Variants in CTNNA2 observed in about 807,000 individuals in gnomAD.
CTNNA2 encodes catenin alpha 2.
Under a neutral mutation model 101.0 loss-of-function variants are expected in CTNNA2, and 42 were observed. That is an observed-to-expected ratio of 0.42 (90% CI 0.32 to 0.54). The LOEUF is 0.54. Ranked by LOEUF, CTNNA2 falls within the 20% of genes least tolerant of loss-of-function variation. The probability of loss-of-function intolerance (pLI) is 0.14; values close to 1 mark genes in which losing one functional copy is unlikely to be tolerated. For synonymous variants in CTNNA2, 450 were observed against 456.4 expected (o/e 0.99, Z 0.18); for missense variants, 871 against 1,223.1 (o/e 0.71, Z 4.29).
intron 4 of CTNNA2, among the ~76,000 whole-genome samples, chr2:79,409,570 T>A (rs893020354): frequency 6.6e-6 from 1 of 150,986 alleles, no homozygotes; most frequent in Non-Finnish European, 1.5e-5. Flanking sequence ...CTTTCCCCAT[T>A]GCTTGTTTTT....
At chr2:80,246,764 G>A (rs1184244429) in intron 7 of CTNNA2, among the ~76,000 whole-genome samples, 1 of 152,130 alleles carries the variant, frequency 6.6e-6, no homozygotes, top group African/African-American at 2.4e-5. Context: ...ACTGTGCAAA[G>A]GAAAGGATTA....
chr2:80,339,505 C>A lies in CTNNA2; in HGVS notation c.1057-53706C>A, dbSNP rs146225650. Among the ~76,000 whole-genome samples the A allele has an allele frequency of 2.1e-3, 316 of 152,226 alleles. 6 individuals are homozygous for A. In the South Asian group the frequency reaches 0.024, roughly 11 times the overall value. On this transcript the variant is annotated intron_variant, in intron 7 of 18. Coordinates refer to ENST00000402739, the MANE Select transcript of CTNNA2 (RefSeq NM_001282597.3). Reference sequence around the variant, plus strand: ...AAATACTTTCTATATAAGGTGAATACCCTGACAAATCTTATCCCAGCTATG... The same window carrying A: ...AAATACTTTCTATATAAGGTGAATAACCTGACAAATCTTATCCCAGCTATG...
intron 4 of CTNNA2, among the ~76,000 whole-genome samples, chr2:79,496,667 T>A (rs1009459568): frequency 2.0e-5 from 3 of 151,968 alleles, no homozygotes; most frequent in Non-Finnish European, 2.9e-5. Flanking sequence ...TTTTTTATTT[T>A]CTCTCTTTTT....
chr2:80,168,815 C>T (rs915566849), intron 7 of CTNNA2, among the ~76,000 whole-genome samples: 5 of 151,244 alleles, frequency 3.3e-5, no homozygotes, highest in African/African-American at 4.9e-5. Context: ...TTAGGTGATT[C>T]GAATGTATAG....
At chr2:79,916,082 T>A (rs1006721271) in intron 7 of CTNNA2, among the ~76,000 whole-genome samples, 3 of 152,244 alleles carry the variant, frequency 2.0e-5, no homozygotes, top group African/African-American at 7.2e-5. Context: ...ATCTTCTCTT[T>A]TCTCTCCTTC....
chr2:79,922,053 G>A (rs573255018), intron 7 of CTNNA2, among the ~76,000 whole-genome samples: 3 of 152,324 alleles, frequency 2.0e-5, no homozygotes, highest in Admixed American at 2.0e-4. Context: ...GACTATGCCA[G>A]TATTGAGAAT....
chr2:79,853,532 G>T (rs570892555), intron 3 of CTNNA2, among the ~76,000 whole-genome samples: 1 of 152,000 alleles, frequency 6.6e-6, no homozygotes, highest in African/African-American at 2.4e-5. Context: ...GACCTTACAC[G>T]CAGGCCCCTC....
At chr2:80,368,706 A>C (rs903920717) in intron 7 of CTNNA2, among the ~76,000 whole-genome samples, 1 of 151,826 alleles carries the variant, frequency 6.6e-6, no homozygotes, top group African/African-American at 2.4e-5. Flanking sequence ...ATTTAGGGGC[A>C]TATTCTAAAT....
chr2:79,446,993 A>G (rs1678840573), intron 4 of CTNNA2, among the ~76,000 whole-genome samples: 1 of 152,038 alleles, frequency 6.6e-6, no homozygotes, highest in South Asian at 2.1e-4. Flanking sequence ...GCTTTGATAA[A>G]TAATGGCCTG....
At chr2:80,208,358 T>C (rs559097952) in intron 7 of CTNNA2, among the ~76,000 whole-genome samples, 3 of 152,338 alleles carry the variant, frequency 2.0e-5, no homozygotes, top group East Asian at 1.9e-4. Context: ...GATAGATAGA[T>C]AGATAAGACA....
intron 3 of CTNNA2, among the ~76,000 whole-genome samples, chr2:79,348,202 A>G: frequency 6.6e-6 from 1 of 152,306 alleles, no homozygotes; most frequent in South Asian, 2.1e-4. Flanking sequence ...TTTCATTTTT[A>G]AAAGGACTAT....
At chr2:80,432,560 G>T (rs1273442294) in intron 9 of CTNNA2, among the ~76,000 whole-genome samples, 3 of 152,134 alleles carry the variant, frequency 2.0e-5, no homozygotes, top group African/African-American at 4.8e-5. Context: ...AATACCGGTG[G>T]CCACCAAAAT....
In CTNNA2 at chr2:80,136,985, T is replaced by C. The variant is rs1014855245; in HGVS notation, c.1056+227188T>C. Among the ~76,000 whole-genome samples the C allele has an allele frequency of 5.3e-5, 8 of 152,322 alleles. No individual in the cohort carries two copies. In the South Asian group the frequency reaches 1.5e-3, roughly 28 times the overall value. On this transcript the variant is annotated intron_variant, in intron 7 of 18. Transcript: ENST00000402739. ...GTACAACATGTTTATGTTATCTTTA[T>C]GTGAAAAGATCTTCTTTCCTGATCA...
rs963691165 is a variant in CTNNA2, at chr2:79,187,274, T to C, written c.-524+1843T>C. 1.7e-3 allele frequency among the ~76,000 whole-genome samples: 222 copies of C among 134,500 alleles called. 4 individuals are homozygous for C. The highest frequency in any genetic ancestry group is 3.2e-3 in the Non-Finnish European group (198 of 62,554). 88.2% of individuals were successfully genotyped at this position (134,500 alleles called of 152,430 possible). On this transcript the variant is annotated intron_variant, in intron 1 of 21. Coordinates refer to the CTNNA2 transcript ENST00000466387. ...TCTTTTCTTTTCTTTTCTTTTCTTT[T>C]TTTTTTTTTTTTTGAGACAGAGTCT...
chr2:80,590,024 A>G (rs2287514), intron 15 of CTNNA2, among the ~76,000 whole-genome samples: 45,436 of 152,200 alleles, frequency 0.3, 7,810 homozygotes, highest in East Asian at 0.46. Context: ...CTAAGATTCC[A>G]TTGTTTTCAC....
chr2:80,247,944 T>A (rs1006773475), intron 7 of CTNNA2, among the ~76,000 whole-genome samples: 3 of 152,074 alleles, frequency 2.0e-5, no homozygotes, highest in Admixed American at 2.0e-4. Context: ...CTAGAATTTC[T>A]TACTGAAGCA....
At chr2:80,178,344 A>G (rs1705531717) in intron 7 of CTNNA2, among the ~76,000 whole-genome samples, 1 of 152,212 alleles carries the variant, frequency 6.6e-6, no homozygotes, top group African/African-American at 2.4e-5. Context: ...TTGATGACCT[A>G]TAGTTGAACG....
At chr2:80,105,089 C>T (rs1193221991) in intron 7 of CTNNA2, among the ~76,000 whole-genome samples, 1 of 152,122 alleles carries the variant, frequency 6.6e-6, no homozygotes, top group Non-Finnish European at 1.5e-5. Context: ...TGTAATGGGA[C>T]CGTCAGGACC....
intron 7 of CTNNA2, among the ~76,000 whole-genome samples, chr2:80,008,218 T>C (rs1177868084): frequency 6.6e-6 from 1 of 152,176 alleles, no homozygotes; most frequent in African/African-American, 2.4e-5. Flanking sequence ...AGTTACCTCT[T>C]TGGAAGAAGT....
Sources: allele counts gnomAD v4.1 joint callset (sites outside exome capture counted in the v4.1 genomes callset), GRCh38; gene constraint gnomAD v4.1.1; transcripts MANE v1.5; gene names NCBI Gene and HGNC (gene_info 2026-07-23, HGNC 2026-07-21).